The following CDKL3 variants were observed in gnomAD, a reference collection of about 807,000 sequenced individuals.
CDKL3 encodes the protein cyclin-dependent kinase-like 3.
In CDKL3, 65 loss-of-function variants were observed where a neutral mutation model predicts 69.3. The ratio of observed to expected loss-of-function variants is 0.94; its 90% CI spans 0.77 to 1.15. The LOEUF (loss-of-function observed/expected upper bound fraction) is 1.15, where lower values mean the gene tolerates loss of function less well. CDKL3 is among the 50% of genes most tolerant of loss of function. The probability of loss-of-function intolerance (pLI) is 0.00; values close to 1 mark genes in which losing one functional copy is unlikely to be tolerated. For synonymous variants in CDKL3, 202 were observed against 221.6 expected (o/e 0.91, Z 0.79); for missense variants, 652 against 689.2 (o/e 0.95, Z 0.61).
At chr5:134,340,999 G>T (rs1750344060) in intron 4 of CDKL3, among the ~76,000 whole-genome samples, 1 of 152,044 alleles carries the variant, frequency 6.6e-6, no homozygotes. Flanking sequence ...GTGACCAACT[G>T]GGATTTATTC....
chr5:134,293,861 C>A (rs1474678800), downstream of CDKL3, among the ~76,000 whole-genome samples: 1 of 150,206 alleles, frequency 6.7e-6, no homozygotes, highest in South Asian at 2.1e-4. Context: ...ATAATCCCAG[C>A]CTTTGAGAGG....
Position 134,312,345 on chromosome 5 carries a change from T to A in CDKL3, c.828A>T (p.Ser276=). ...ACTCATGATGCAAAAGATCACTAGA[T>A]GATATCCTGTCAGCAGGATCAATTT... ...CLQIDPADRI[S]SSDLLHHEYF... The change falls in exon 7 of 13, where the codon TCA becomes TCT. Residue 276 remains serine, a synonymous_variant. Coordinates refer to ENST00000265334, the MANE Select transcript of CDKL3 (RefSeq NM_001113575.2). 2 of 1,600,658 alleles carry A rather than the reference T, an allele frequency of 1.2e-6. No homozygotes were observed. Among genetic ancestry groups the A allele is most frequent in the South Asian group, 2.3e-5 (2 of 87,548 alleles).
chr5:134,371,381 C>T (rs367696276), upstream of CDKL3: 9 of 673,898 alleles, frequency 1.3e-5, no homozygotes, highest in African/African-American at 1.3e-4. Flanking sequence ...CCCGCCCCCT[C>T]CTCCCCCAGC....
At chr5:134,290,335 C>T (rs1320799984) in intron 8 of CDKL3, among the ~76,000 whole-genome samples, 2 of 112,830 alleles carry the variant, frequency 1.8e-5, no homozygotes, top group Non-Finnish European at 3.3e-5. Flanking sequence ...AGACTGGTGA[C>T]AGAGTGAGAC....
chr5:134,353,295 C>G (rs1324069551), intron 3 of CDKL3, among the ~76,000 whole-genome samples: 1 of 152,116 alleles, frequency 6.6e-6, no homozygotes, highest in Non-Finnish European at 1.5e-5. Flanking sequence ...CCTACTGCTT[C>G]TCAACAATCT....
intron 6 of CDKL3, among the ~76,000 whole-genome samples, chr5:134,318,496 G>GT (rs1243385040): frequency 6.6e-6 from 1 of 151,678 alleles, no homozygotes; most frequent in East Asian, 1.9e-4. Flanking sequence ...TTTGTTTGTT[G>GT]TTTTTTTGAG....
At chr5:134,299,648 A>T in intron 12 of CDKL3, 1 of 1,498,970 alleles carries the variant, frequency 6.7e-7, no homozygotes, top group Non-Finnish European at 8.8e-7. Context: ...ATTTTTAAAA[A>T]ACCATACAGT....
chr5:134,342,463 A>G (rs1750737555), intron 4 of CDKL3, among the ~76,000 whole-genome samples: 1 of 152,046 alleles, frequency 6.6e-6, no homozygotes, highest in African/African-American at 2.4e-5. Context: ...AGCCAGACGT[A>G]GTGGCGGACG....
chr5:134,336,532 G>A (rs1777149179), intron 4 of CDKL3, among the ~76,000 whole-genome samples: 1 of 152,194 alleles, frequency 6.6e-6, no homozygotes. Context: ...TTTTGTTGAT[G>A]TCGATGCTAT....
intron 7 of CDKL3, 74 bp from the exon 8 acceptor site, chr5:134,308,801 T>C: frequency 8.1e-7 from 1 of 1,232,956 alleles, no homozygotes; most frequent in Non-Finnish European, 1.1e-6. Flanking sequence ...GAATAAACCA[T>C]TTCATCAATT....
chr5:134,327,532 C>T (rs1240326388), intron 4 of CDKL3, among the ~76,000 whole-genome samples: 1 of 152,132 alleles, frequency 6.6e-6, no homozygotes, highest in Non-Finnish European at 1.5e-5. Flanking sequence ...TAAAGGTATT[C>T]TCAACCACAG....
chr5:134,285,458 C>T (rs1471441136), downstream of CDKL3, among the ~76,000 whole-genome samples: 1 of 152,238 alleles, frequency 6.6e-6, no homozygotes, highest in Non-Finnish European at 1.5e-5. Flanking sequence ...AGGCCAAGCT[C>T]TACATTGGCC....
chr5:134,334,212 T>A (rs6878419), intron 4 of CDKL3, among the ~76,000 whole-genome samples: 5 of 152,036 alleles, frequency 3.3e-5, no homozygotes, highest in African/African-American at 1.2e-4. Flanking sequence ...TTTATTAGTC[T>A]TGCTAGCAGT....
At chr5:134,365,677 TAA>T (rs966685238) in intron 2 of CDKL3, among the ~76,000 whole-genome samples, 1 of 152,212 alleles carries the variant, frequency 6.6e-6, no homozygotes, top group East Asian at 1.9e-4. Flanking sequence ...CTCCTTAGCC[TAA>T]AAGACTTTAA....
chr5:134,298,417 AAAG>A (rs1765511219), downstream of CDKL3: 1 of 1,302,166 alleles, frequency 7.7e-7, no homozygotes, highest in Non-Finnish European at 9.7e-7. Flanking sequence ...ATGGCAAAAA[AAAG>A]AAGTAGGCAG....
chr5:134,288,072 T>A (rs1366346666), intron 8 of CDKL3, among the ~76,000 whole-genome samples: 1 of 152,092 alleles, frequency 6.6e-6, no homozygotes, highest in African/African-American at 2.4e-5. Context: ...TTTTGTATTT[T>A]TAGTACAGAT....
At position 134,304,812 on chromosome 5, in the gene CDKL3, CAAT is replaced by C. The variant is rs375747445; in HGVS notation, c.1459-248_1459-246del. On this transcript the variant is annotated intron_variant, in intron 10 of 12. Coordinates refer to ENST00000265334, the MANE Select transcript of CDKL3 (RefSeq NM_001113575.2). ...ATAATAGTCTTGGTCATGAGAACCA[CAAT>C]AATAATAATAATAATAATATTATTA... Among the ~76,000 whole-genome samples, 327 of 144,280 alleles carry C rather than the reference CAAT, an allele frequency of 2.3e-3. 3 individuals carry two copies. The highest frequency in any genetic ancestry group is 7.0e-3 in the African/African-American group (275 of 39,082). 94.7% of individuals were successfully genotyped at this position (144,280 alleles called of 152,430 possible). A position where few individuals can be genotyped will look rare whatever the true frequency, so the allele number is the denominator to read the frequency against.
At chr5:134,350,534 T>C (rs1752992433) in intron 3 of CDKL3, 107 bp from the exon 4 acceptor site, 2 of 733,984 alleles carry the variant, frequency 2.7e-6, no homozygotes, top group Non-Finnish European at 4.5e-6. Flanking sequence ...GTAAAGCTAT[T>C]TCCTTACCAC....
At position 134,304,462 on chromosome 5, in the gene CDKL3, A is replaced by T. The variant is rs1767202118; in HGVS notation, c.1564T>A (p.Phe522Ile). The T allele has an allele frequency of 2.5e-6, 4 of 1,613,086 alleles. No homozygotes were observed. Among genetic ancestry groups the T allele is most frequent in the Non-Finnish European group, 3.4e-6 (4 of 1,179,540 alleles). The change falls in exon 11 of 13, where the codon TTC becomes ATC. Residue 522 changes from phenylalanine (F) to isoleucine (I), a missense_variant. Transcript: ENST00000265334. ...LNFSRSDRKE[F>I]HFPELPVTIQ... ...GTGACAGGCAATTCTGGAAAATGGAATTCTTTCCTGTCAGATCTGGAAAAA... is the reference window on the plus strand; with the variant it reads ...GTGACAGGCAATTCTGGAAAATGGATTTCTTTCCTGTCAGATCTGGAAAAA...
Sources: allele counts gnomAD v4.1 joint callset (sites outside exome capture counted in the v4.1 genomes callset), GRCh38; gene constraint gnomAD v4.1.1; transcripts MANE v1.5; gene names NCBI Gene and HGNC (gene_info 2026-07-23, HGNC 2026-07-21).